OPCML: variants seen among roughly 807,000 people sequenced by gnomAD.
OPCML encodes the protein opioid binding protein/cell adhesion molecule like.
Under a neutral mutation model 37.8 loss-of-function variants are expected in OPCML, and 13 were observed. The observed-to-expected ratio is 0.34, with a 90% confidence interval of 0.22 to 0.55. The LOEUF is 0.55. OPCML is among the 20% of genes least tolerant of loss of function. OPCML has a pLI of 0.91. For synonymous variants in OPCML, 176 were observed against 168.8 expected, an observed-to-expected ratio of 1.04 and a Z score of -0.33; for missense variants, 341 against 435.6, an observed-to-expected ratio of 0.78 and a Z score of 1.93.
intron 4 of OPCML, among the ~76,000 whole-genome samples, chr11:132,467,806 A>G (rs969660959): frequency 1.3e-5 from 2 of 152,224 alleles, no homozygotes; most frequent in Admixed American, 6.5e-5. Context: ...ATAATGGTCT[A>G]TGAAACCAAA....
chr11:133,277,825 C>T (rs1279948800), intron 1 of OPCML, among the ~76,000 whole-genome samples: 1 of 151,994 alleles, frequency 6.6e-6, no homozygotes, highest in African/African-American at 2.4e-5. Context: ...GTACTTTGCT[C>T]ATCTCGTCAG....
At chr11:133,483,719 G>A (rs1398650635) in intron 1 of OPCML, among the ~76,000 whole-genome samples, 6 of 140,374 alleles carry the variant, frequency 4.3e-5, no homozygotes, top group African/African-American at 1.6e-4. Context: ...TAGATAGATA[G>A]ATAAAATAGG....
intron 2 of OPCML, among the ~76,000 whole-genome samples, chr11:132,889,402 G>T (rs1483430133): frequency 1.3e-5 from 2 of 152,170 alleles, no homozygotes; most frequent in Non-Finnish European, 2.9e-5. Context: ...CCTTTGCCTA[G>T]AAAAGATTCT....
chr11:132,566,580 T>C (rs1357762062), intron 3 of OPCML, among the ~76,000 whole-genome samples: 1 of 152,244 alleles, frequency 6.6e-6, no homozygotes, highest in African/African-American at 2.4e-5. Flanking sequence ...GTTATTCAAT[T>C]TGCAACAATA....
intron 2 of OPCML, among the ~76,000 whole-genome samples, chr11:132,664,852 G>T (rs558114149): frequency 6.6e-6 from 1 of 152,330 alleles, no homozygotes; most frequent in African/African-American, 2.4e-5. Flanking sequence ...GCTAATATTT[G>T]CTGATAAGGT....
chr11:133,388,046 T>G (rs997956459), intron 1 of OPCML, among the ~76,000 whole-genome samples: 12 of 152,168 alleles, frequency 7.9e-5, no homozygotes, highest in African/African-American at 2.9e-4. Flanking sequence ...CCCTTGAGTC[T>G]GCCCATGGGT....
intron 1 of OPCML, among the ~76,000 whole-genome samples, chr11:133,373,424 A>ATATAT (rs1944720739): frequency 4.2e-5 from 5 of 117,742 alleles, no homozygotes; most frequent in East Asian, 4.9e-4. Context: ...ACTTAATTAA[A>ATATAT]ATATATATAT....
chr11:133,035,613 T>C (rs958056960), intron 1 of OPCML, among the ~76,000 whole-genome samples: 4 of 152,194 alleles, frequency 2.6e-5, no homozygotes, highest in Admixed American at 6.5e-5. Flanking sequence ...TTTCACGCCC[T>C]ATTCTTGGGG....
chr11:132,471,641 G>C (rs905703168), intron 4 of OPCML, among the ~76,000 whole-genome samples: 2 of 152,188 alleles, frequency 1.3e-5, no homozygotes, highest in African/African-American at 4.8e-5. Flanking sequence ...GACCAAGACA[G>C]AAGCTGCAAC....
At chr11:133,482,398 T>C (rs1044147655) in intron 1 of OPCML, among the ~76,000 whole-genome samples, 1 of 152,184 alleles carries the variant, frequency 6.6e-6, no homozygotes, top group Non-Finnish European at 1.5e-5. Flanking sequence ...CGGGAAAGCA[T>C]GGGTTTTACA....
At chr11:133,378,734 T>G (rs921534236) in intron 1 of OPCML, among the ~76,000 whole-genome samples, 1 of 151,636 alleles carries the variant, frequency 6.6e-6, no homozygotes, top group African/African-American at 2.4e-5. Context: ...TTTTGTCTTT[T>G]TTTGTTTTGT....
chr11:132,740,964 G>C (rs1171736764), intron 2 of OPCML, among the ~76,000 whole-genome samples: 2 of 152,128 alleles, frequency 1.3e-5, no homozygotes, highest in African/African-American at 2.4e-5. Flanking sequence ...TGCTTAAAGG[G>C]CAATGTGATG....
At chr11:132,712,565 AG>A (rs1334983446) in intron 2 of OPCML, among the ~76,000 whole-genome samples, 2 of 152,228 alleles carry the variant, frequency 1.3e-5, no homozygotes, top group Admixed American at 6.5e-5. Context: ...TCCCACCCCA[AG>A]AACATGGGAT....
intron 2 of OPCML, among the ~76,000 whole-genome samples, chr11:132,744,440 C>T (rs73601309): frequency 4.1e-4 from 62 of 152,318 alleles, no homozygotes; most frequent in African/African-American, 1.4e-3. Flanking sequence ...CAACTCAGCG[C>T]TTTCCTGAGG....
intron 3 of OPCML, among the ~76,000 whole-genome samples, chr11:132,585,433 A>G (rs2137666046): frequency 1.3e-5 from 2 of 152,184 alleles, no homozygotes; most frequent in East Asian, 3.9e-4. Context: ...TTTGGGATTT[A>G]TCTGCTTCCT....
At chr11:132,540,590 T>C (rs1039206510) in intron 3 of OPCML, among the ~76,000 whole-genome samples, 2 of 152,192 alleles carry the variant, frequency 1.3e-5, no homozygotes, top group African/African-American at 4.8e-5. Flanking sequence ...TTTTATTTTG[T>C]GCTGCAGATA....
chr11:133,516,794 A>G (rs117949951), intron 1 of OPCML, among the ~76,000 whole-genome samples: 85 of 152,304 alleles, frequency 5.6e-4, no homozygotes, highest in Admixed American at 9.8e-4. Context: ...CTTCTCGCAA[A>G]GACTGTTTGC....
At chr11:132,479,413 G>A (rs2096170006) in intron 4 of OPCML, among the ~76,000 whole-genome samples, 1 of 152,192 alleles carries the variant, frequency 6.6e-6, no homozygotes, top group Non-Finnish European at 1.5e-5. Flanking sequence ...ACAGCAGTCT[G>A]AGCTCAAACT....
At chr11:132,579,723 C>A (rs1032658758) in intron 3 of OPCML, among the ~76,000 whole-genome samples, 1 of 152,084 alleles carries the variant, frequency 6.6e-6, no homozygotes, top group Admixed American at 6.6e-5. Flanking sequence ...GACGATCGAG[C>A]TCTGATAGAC....
Sources: allele counts gnomAD v4.1 joint callset (sites outside exome capture counted in the v4.1 genomes callset), GRCh38; gene constraint gnomAD v4.1.1; transcripts MANE v1.5; gene names NCBI Gene and HGNC (gene_info 2026-07-23, HGNC 2026-07-21).